EPHA6: variants seen among roughly 807,000 people sequenced by gnomAD.
The protein encoded by EPHA6 is EPH receptor A6.
Under a neutral mutation model 112.0 loss-of-function variants are expected in EPHA6, and 50 were observed. The ratio of observed to expected loss-of-function variants is 0.45; its 90% CI spans 0.36 to 0.56. EPHA6 has a LOEUF of 0.56. Ranked by LOEUF, EPHA6 falls within the 20% of genes least tolerant of loss-of-function variation. The pLI is 0.00. For synonymous variants in EPHA6, 529 were observed against 490.7 expected (o/e 1.08, Z -1.03); for missense variants, 1,280 against 1,417.4 (o/e 0.90, Z 1.56).
At chr3:97,341,288 G>A (rs982352239) in intron 5 of EPHA6, among the ~76,000 whole-genome samples, 1 of 152,036 alleles carries the variant, frequency 6.6e-6, no homozygotes, top group Non-Finnish European at 1.5e-5. Flanking sequence ...CTAAAAAAAA[G>A]CAAATTAGAA....
chr3:96,838,926 A>G (rs988526967), intron 1 of EPHA6, among the ~76,000 whole-genome samples: 2 of 151,990 alleles, frequency 1.3e-5, no homozygotes, highest in Admixed American at 1.3e-4. Context: ...ACTAGTGGTC[A>G]TTTCTTGGTA....
chr3:97,163,598 A>G (rs1260751978), intron 3 of EPHA6, among the ~76,000 whole-genome samples: 3 of 152,092 alleles, frequency 2.0e-5, no homozygotes, highest in Non-Finnish European at 4.4e-5. Context: ...GTAAAGAGGG[A>G]TAGTGGTGAT....
intron 5 of EPHA6, among the ~76,000 whole-genome samples, chr3:97,289,042 C>G (rs1307473116): frequency 1.3e-5 from 2 of 149,076 alleles, no homozygotes; most frequent in Admixed American, 6.8e-5. Flanking sequence ...ATGTTGTCTA[C>G]TCTGTTGACA....
intron 3 of EPHA6, among the ~76,000 whole-genome samples, chr3:97,218,346 G>T (rs920017296): frequency 1.3e-5 from 2 of 152,022 alleles, no homozygotes; most frequent in African/African-American, 4.8e-5. Flanking sequence ...ATAAAGAACT[G>T]CCTGAGACAA....
intron 11 of EPHA6, among the ~76,000 whole-genome samples, chr3:97,586,277 G>C (rs954673036): frequency 1.3e-5 from 2 of 152,238 alleles, no homozygotes; most frequent in African/African-American, 4.8e-5. Flanking sequence ...AGGCAGAGCA[G>C]CGTAGTCTGC....
intron 3 of EPHA6, among the ~76,000 whole-genome samples, chr3:97,079,028 T>C (rs2046629943): frequency 6.6e-6 from 1 of 152,178 alleles, no homozygotes. Flanking sequence ...CCCAAAGGAA[T>C]ATAAATCATT....
chr3:97,474,394 T>G (rs72928284), intron 7 of EPHA6, among the ~76,000 whole-genome samples: 28,753 of 151,832 alleles, frequency 0.19, 4,108 homozygotes, highest in African/African-American at 0.38. Flanking sequence ...TGGTTTTTTA[T>G]ATTATTGATG....
chr3:97,300,559 T>A, intron 5 of EPHA6, among the ~76,000 whole-genome samples: 1 of 152,146 alleles, frequency 6.6e-6, no homozygotes, highest in East Asian at 1.9e-4. Flanking sequence ...TGGACATGTT[T>A]GTGATGATAT....
chr3:97,324,429 CTTTCTTTCTT>C (rs1559883780), intron 5 of EPHA6, among the ~76,000 whole-genome samples: 2 of 145,366 alleles, frequency 1.4e-5, no homozygotes, highest in African/African-American at 5.2e-5. Flanking sequence ...TTCTTTCTTT[CTTTCTTTCTT>C]TCTTTCTTTC....
chr3:96,937,443 T>G lies in EPHA6; in HGVS notation c.451-49887T>G, dbSNP rs542070491. Among the ~76,000 whole-genome samples, 339 of 137,144 alleles carry G rather than the reference T, an allele frequency of 2.5e-3. 1 individual carries two copies. Among genetic ancestry groups the G allele is most frequent in the Non-Finnish European group, 2.3e-3 (155 of 67,710 alleles). The allele number at this position is 137,144 out of a possible 152,430, so 90.0% of individuals were successfully genotyped here. On this transcript the variant is annotated intron_variant, in intron 2 of 17. Coordinates refer to ENST00000389672, the MANE Select transcript of EPHA6 (RefSeq NM_001080448.3). ...TCTGTTCATATCCTTCGCCCACTTT[T>G]TGATGGGGTTGTTTGTTTTTTCTTG...
In EPHA6 at chr3:97,444,469, G is replaced by C. The variant is rs146734920; in HGVS notation, c.1732-4099G>C. ...AAATATTGAATTGAATTGCTAGGTA[G>C]AACGTTGGTGATTACGTAAGCTACA... On this transcript the variant is annotated intron_variant, in intron 6 of 17. Transcript: ENST00000389672. Among the ~76,000 whole-genome samples, 537 of 152,274 alleles carry C rather than the reference G, an allele frequency of 3.5e-3. 5 individuals carry two copies. Among genetic ancestry groups the C allele is most frequent in the Middle Eastern group, 0.014 (4 of 294 alleles).
chr3:97,261,133 G>A (rs181456863), intron 5 of EPHA6, among the ~76,000 whole-genome samples: 5 of 152,228 alleles, frequency 3.3e-5, no homozygotes, highest in African/African-American at 1.2e-4. Context: ...AAATAGAGAT[G>A]TACAAATAAT....
intron 15 of EPHA6, 61 bp downstream of exon 15, chr3:97,720,471 G>A: frequency 1.4e-6 from 2 of 1,439,160 alleles, no homozygotes; most frequent in South Asian, 2.8e-5. Context: ...GCTTGAGGGG[G>A]AATTATGCCT....
rs114755623 is a variant in EPHA6 at position 96,986,339 on chromosome 3, G to A, written c.451-991G>A. Among the ~76,000 whole-genome samples the A allele has an allele frequency of 6.4e-3, 969 of 152,254 alleles. 8 individuals carry two copies. The highest frequency in any genetic ancestry group is 0.021 in the African/African-American group (876 of 41,568). ...TCCAGTGATCTAGCTCAGAGTAAAA[G>A]CCAAAGGGCTTAAAATGCTTAATAA... On this transcript the variant is annotated intron_variant, in intron 2 of 17. Transcript: ENST00000389672.
chr3:97,361,746 C>T (rs2084384959), intron 5 of EPHA6, among the ~76,000 whole-genome samples: 1 of 152,110 alleles, frequency 6.6e-6, no homozygotes, highest in African/African-American at 2.4e-5. Flanking sequence ...TGGATTAATC[C>T]CTTCATGAGG....
chr3:96,967,897 C>G (rs2042182875), intron 2 of EPHA6, among the ~76,000 whole-genome samples: 1 of 151,648 alleles, frequency 6.6e-6, no homozygotes, highest in Non-Finnish European at 1.5e-5. Flanking sequence ...ATTATAAGAT[C>G]TGGGAGTCTT....
chr3:97,662,418 C>T (rs908467030), intron 14 of EPHA6, among the ~76,000 whole-genome samples: 10 of 152,120 alleles, frequency 6.6e-5, no homozygotes, highest in African/African-American at 1.9e-4. Context: ...GTGAAAATAT[C>T]GTAGGCCCAG....
chr3:97,322,503 A>G (rs2082168375), intron 5 of EPHA6, among the ~76,000 whole-genome samples: 2 of 152,130 alleles, frequency 1.3e-5, no homozygotes, highest in South Asian at 2.1e-4. Context: ...CAAATAAGAA[A>G]CTATGATCTG....
chr3:97,233,048 G>T (rs2078575630), intron 4 of EPHA6, among the ~76,000 whole-genome samples: 1 of 152,114 alleles, frequency 6.6e-6, no homozygotes, highest in South Asian at 2.1e-4. Context: ...TTGGTAAGCA[G>T]CTGATCACCA....
Sources: allele counts gnomAD v4.1 joint callset (sites outside exome capture counted in the v4.1 genomes callset), GRCh38; gene constraint gnomAD v4.1.1; transcripts MANE v1.5; gene names NCBI Gene and HGNC (gene_info 2026-07-23, HGNC 2026-07-21).